NPC1L1: variants seen among roughly 807,000 people sequenced by gnomAD.
NPC1L1 encodes the protein NPC1 like intracellular cholesterol transporter 1, also known as NPC1-like intracellular cholesterol transporter 1.
In NPC1L1, 98 loss-of-function variants were observed where a neutral mutation model predicts 117.0. The observed-to-expected ratio is 0.84, with a 90% CI of 0.71 to 0.99. The LOEUF (loss-of-function observed/expected upper bound fraction) is 0.99. Ranked by LOEUF, NPC1L1 falls within the 50% of genes least tolerant of loss-of-function variation. NPC1L1 has a pLI of 0.00. For synonymous variants in NPC1L1, 729 were observed against 727.6 expected (o/e 1.00, Z -0.03); for missense variants, 1,540 against 1,710.0 (o/e 0.90, Z 1.75).
At chr7:44,515,695 T>A in intron 18 of NPC1L1, 108 bp downstream of exon 18, 1 of 1,356,234 alleles carries the variant, frequency 7.4e-7, no homozygotes, top group East Asian at 2.3e-5. Flanking sequence ...TTCTGACATC[T>A]GCCCATGGCT....
chr7:44,528,941 T>G (rs773904617), intron 10 of NPC1L1, among the ~76,000 whole-genome samples: 27 of 151,762 alleles, frequency 1.8e-4, no homozygotes, highest in Non-Finnish European at 2.8e-4. Flanking sequence ...CATGGTGGCA[T>G]GCACCTATAA....
At position 44,536,289 on chromosome 7, in the gene NPC1L1, C is replaced by A. The variant is rs1259192005; in HGVS notation, c.1821G>T (p.Met607Ile). ...LEEMRAFQRR[M>I]AGMFQVTFMA... ...TGAACGTGACCTGGAACATGCCAGCCATCCGACGCTGGAAGGCTCGCATTT... is the reference window on the plus strand; with the variant it reads ...TGAACGTGACCTGGAACATGCCAGCAATCCGACGCTGGAAGGCTCGCATTT... Residue 607 changes from methionine to isoleucine, a missense_variant, in exon 4 of 19, where the codon ATG becomes ATT. Met to Ile is a conservative substitution (Grantham distance 10, BLOSUM62 1). This residue lies in a region of NPC1L1 where 793 missense variants were observed against 820.4 expected (regional missense o/e 0.97). Coordinates refer to ENST00000381160, the MANE Select transcript of NPC1L1 (RefSeq NM_001101648.2). This position sits in a 1 kb window ranked among gnomAD's most constrained non-coding sequence, Gnocchi z 4.7. The A allele has an allele frequency of 1.2e-5, 19 of 1,614,064 alleles. No individual in the cohort carries two copies. The highest frequency in any genetic ancestry group is 1.7e-5 in the Admixed American group (1 of 60,014).
intron 11 of NPC1L1, 65 bp downstream of exon 11, chr7:44,521,987 C>T: frequency 6.3e-7 from 1 of 1,593,184 alleles, no homozygotes; most frequent in South Asian, 1.1e-5. Flanking sequence ...GAAGAGGGGA[C>T]TGGAGAGGAC....
Position 44,513,461 on chromosome 7 carries a change from C to T in NPC1L1, c.3985G>A (p.Gly1329Arg). ...CTCTGGCTGTATCAGAACTGCCGCC[C>T]ATTGTTGGGCAAGAAGTTGCTGATG... ...GAISNFLPNN[G>R]RQF is the part of the protein sequence containing the mutation. The change falls in exon 19 of 19, where the codon GGG (glycine) becomes AGG (arginine). Residue 1329 changes from glycine (G) to arginine (R), a missense_variant. By Grantham distance (125) the Gly-to-Arg change is moderately radical (BLOSUM62 -2). Around this residue, in one of 3 missense-constraint regions of NPC1L1, gnomAD observed 742 missense variants for 873.6 expected, o/e 0.85. Coordinates refer to ENST00000381160, the MANE Select transcript of NPC1L1 (RefSeq NM_001101648.2). 6.2e-7 allele frequency: 1 copy of T among 1,614,184 alleles called. No individual in the cohort carries two copies. Among genetic ancestry groups the T allele is most frequent in the Non-Finnish European group, 8.5e-7 (1 of 1,180,030 alleles).
At chr7:44,516,236 G>C in intron 16 of NPC1L1, 39 bp from the exon 17 acceptor site, 1 of 1,542,360 alleles carries the variant, frequency 6.5e-7, no homozygotes, top group Admixed American at 1.9e-5. Context: ...GAAAGGCAGA[G>C]GTGGGGAAGG....
In NPC1L1 at chr7:44,533,851, C is replaced by A. The variant is rs763176064; in HGVS notation, c.2169G>T (p.Arg723Ser). Residue 723 changes from arginine to serine, a missense_variant and splice_region_variant, in exon 7 of 19, where the codon AGG becomes AGT. Arg to Ser is a moderately radical substitution (Grantham distance 110). Coordinates refer to ENST00000381160, the MANE Select transcript of NPC1L1 (RefSeq NM_001101648.2). ...NIFIFVLEYQRLPRRPGEPRE... is the reference protein window; with the variant it reads ...NIFIFVLEYQSLPRRPGEPRE... ...GTGGCTCCCCAGGCCTCCGGGGCAG[C>A]CTCTGTGTGGGAACAGCAGGGATAA... 4 of 1,610,170 alleles carry A rather than the reference C, an allele frequency of 2.5e-6. No homozygotes were observed. The South Asian group carries it at 3.3e-5, about 13-fold the overall frequency.
chr7:44,526,396 A>G (rs1339890142), intron 10 of NPC1L1, among the ~76,000 whole-genome samples: 2 of 151,536 alleles, frequency 1.3e-5, no homozygotes, highest in Non-Finnish European at 2.9e-5. Context: ...TAAAAATACA[A>G]AAATTAGCCA....
intron 10 of NPC1L1, 152 bp downstream of exon 10, chr7:44,531,603 C>G: frequency 4.4e-6 from 3 of 675,556 alleles, no homozygotes; most frequent in Non-Finnish European, 7.8e-6. Context: ...GCTTCACTCC[C>G]CAGGACTGCT....
At chr7:44,521,361 C>T (rs1455039742) in intron 12 of NPC1L1, among the ~76,000 whole-genome samples, 1 of 152,204 alleles carries the variant, frequency 6.6e-6, no homozygotes, top group Non-Finnish European at 1.5e-5. Flanking sequence ...CCACAAAGGC[C>T]TCTCCACCTA....
chr7:44,518,626 G>T, intron 14 of NPC1L1: 1 of 833,988 alleles, frequency 1.2e-6, no homozygotes, highest in Non-Finnish European at 1.7e-6. Flanking sequence ...CCGAGATTGT[G>T]CCACTGTACT....
At position 44,541,264 on chromosome 7, in the gene NPC1L1, G is replaced by A; in HGVS notation, c.-5C>T. 2 of 1,549,866 alleles carry A rather than the reference G, an allele frequency of 1.3e-6. No individual in the cohort carries two copies. The highest frequency in any genetic ancestry group is 1.7e-6 in the Non-Finnish European group (2 of 1,146,754). ...CCTCAGGCCGGCCTCCGCCATCCCAGGTCTGGGAAGGGGTCAGCGGGGAGC... is the reference window on the plus strand; with the variant it reads ...CCTCAGGCCGGCCTCCGCCATCCCAAGTCTGGGAAGGGGTCAGCGGGGAGC... On this transcript the variant is annotated 5_prime_UTR_variant, in exon 1 of 19. Coordinates refer to ENST00000381160, the MANE Select transcript of NPC1L1 (RefSeq NM_001101648.2).
At chr7:44,532,961 A>G (rs947161713) in intron 8 of NPC1L1, among the ~76,000 whole-genome samples, 15 of 152,144 alleles carry the variant, frequency 9.9e-5, no homozygotes, top group African/African-American at 3.4e-4. Context: ...AAAATTAGCC[A>G]GGCGTGCAGG....
chr7:44,516,042 G>A (rs1471525259), intron 17 of NPC1L1, 42 bp downstream of exon 17: 2 of 1,607,130 alleles, frequency 1.2e-6, no homozygotes, highest in Middle Eastern at 3.3e-4. Flanking sequence ...AGGGCACAGG[G>A]TGTCGAGTGG....
In NPC1L1 at chr7:44,540,221, G is replaced by A. The variant is rs768673906; in HGVS notation, c.176C>T (p.Ser59Phe). Residue 59 changes from serine to phenylalanine, a missense_variant, in exon 2 of 19, where the codon TCC (serine) becomes TTC (phenylalanine). Physicochemically the swap from Ser to Phe is radical, Grantham distance 155. Coordinates refer to ENST00000381160, the MANE Select transcript of NPC1L1 (RefSeq NM_001101648.2). ...TGTGATCTTGCGGGCCGGCGTGTTG[G>A]ACAGGCAGGACACGTTGGAGAGTGT... is the stretch of plus-strand genomic sequence containing the variant. ...LMTLSNVSCLSNTPARKITGD... is the reference protein window; with the variant it reads ...LMTLSNVSCLFNTPARKITGD... The A allele has an allele frequency of 6.2e-7, 1 of 1,614,126 alleles. No homozygotes were observed. The highest frequency in any genetic ancestry group is 8.5e-7 in the Non-Finnish European group (1 of 1,180,032).
intron 11 of NPC1L1, 54 bp from the exon 12 acceptor site, chr7:44,521,890 T>C: frequency 6.2e-7 from 1 of 1,611,700 alleles, no homozygotes; most frequent in Non-Finnish European, 8.5e-7. Context: ...GGGTGGTGGG[T>C]CCTTCTCGTG....
chr7:44,533,979 A>G, intron 6 of NPC1L1, 126 bp from the exon 7 acceptor site: 1 of 744,080 alleles, frequency 1.3e-6, no homozygotes, highest in Non-Finnish European at 2.4e-6. Flanking sequence ...ACCTTCCTGA[A>G]TCATCAGAGA....
rs998865761 is a variant in NPC1L1 at position 44,518,190 on chromosome 7, G to A, written c.3137-833C>T. On this transcript the variant is annotated intron_variant, in intron 14 of 18. Transcript: ENST00000381160. ...GTTTTTTGTTCTTGTTTTTGTTTTCGAGACAGAGTCTCACTGTCACCGCAG... is the reference window on the plus strand; with the variant it reads ...GTTTTTTGTTCTTGTTTTTGTTTTCAAGACAGAGTCTCACTGTCACCGCAG... Among the ~76,000 whole-genome samples the A allele has an allele frequency of 8.6e-5, 13 of 151,472 alleles. 1 individual carries two copies. Among genetic ancestry groups the A allele is most frequent in the South Asian group, 6.3e-4 (3 of 4,778 alleles).
chr7:44,527,461 C>CAAAAA (rs1160435212), intron 10 of NPC1L1, among the ~76,000 whole-genome samples: 34 of 40,034 alleles, frequency 8.5e-4, no homozygotes, highest in Non-Finnish European at 1.2e-3. Flanking sequence ...AACAACTTCT[C>CAAAAA]AAAAAAAAAA....
intron 9 of NPC1L1, 51 bp from the exon 10 acceptor site, chr7:44,531,895 A>G: frequency 6.5e-7 from 1 of 1,536,876 alleles, no homozygotes; most frequent in African/African-American, 1.4e-5. Context: ...GCCGTCCCCC[A>G]TCTCCCCACA....
Sources: allele counts gnomAD v4.1 joint callset (sites outside exome capture counted in the v4.1 genomes callset), GRCh38; gene constraint gnomAD v4.1.1; regional missense constraint gnomAD v4.1.1; non-coding constraint Gnocchi (gnomAD v3.1); transcripts MANE v1.5; gene names NCBI Gene and HGNC (gene_info 2026-07-23, HGNC 2026-07-21).